SPTSSB: variants seen among roughly 807,000 people sequenced by gnomAD.
SPTSSB encodes androgen down regulated in mouse prostate.
In SPTSSB, 6 loss-of-function variants were observed where a neutral mutation model predicts 7.7. The observed-to-expected ratio is 0.78, with a 90% CI of 0.43 to 1.54. The LOEUF is 1.54. Among genes scored for constraint, SPTSSB ranks in the 40% most tolerant of loss-of-function variants. The probability of loss-of-function intolerance (pLI) is 0.01; values close to 1 mark genes in which losing one functional copy is unlikely to be tolerated. For synonymous variants in SPTSSB, 28 were observed against 29.7 expected, an observed-to-expected ratio of 0.94 and a Z score of 0.19; for missense variants, 91 against 93.0, an observed-to-expected ratio of 0.98 and a Z score of 0.09.
rs549882420 is a variant in SPTSSB, at chr3:161,349,684, A to C, written c.-32-3329T>G. Among the ~76,000 whole-genome samples the C allele has an allele frequency of 2.6e-5, 4 of 152,346 alleles. No homozygotes were observed. The South Asian group carries it at 8.3e-4, about 32-fold the overall frequency. On this transcript the variant is annotated intron_variant, in intron 2 of 2. Transcript: ENST00000620149. ...TGTGTATTCAAAGGTGGCACTCCTA[A>C]GCAGACTGTGATGTGGCTTCAGGCA...
In SPTSSB at chr3:161,369,286, T is replaced by TTTTCTTTCTTTCTTTC. The variant is rs149388545; in HGVS notation, c.-126+2133_-126+2148dup. On this transcript the variant is annotated intron_variant, in intron 1 of 2. Transcript: ENST00000620149. ...TCTCTTTCTTTTTCTTCTTTCTTTC[T>TTTTCTTTCTTTCTTTC]TTTCTTTCTTTCTTTCTTTCTTTCT... Among the ~76,000 whole-genome samples, 180 of 110,382 alleles carry TTTTCTTTCTTTCTTTC rather than the reference T, an allele frequency of 1.6e-3. 4 individuals are homozygous for TTTTCTTTCTTTCTTTC. Among genetic ancestry groups the TTTTCTTTCTTTCTTTC allele is most frequent in the African/African-American group, 7.6e-3 (174 of 22,972 alleles). The allele number at this position is 110,382 out of a possible 152,430, so 72.4% of individuals were successfully genotyped here.
chr3:161,354,977 G>A (rs1438963665), intron 2 of SPTSSB, among the ~76,000 whole-genome samples: 3 of 152,192 alleles, frequency 2.0e-5, no homozygotes, highest in Non-Finnish European at 2.9e-5. Flanking sequence ...AAAATAAAGA[G>A]TGCCACATAC....
intron 1 of SPTSSB, among the ~76,000 whole-genome samples, chr3:161,363,585 T>C (rs944681913): frequency 1.3e-5 from 2 of 152,072 alleles, no homozygotes; most frequent in African/African-American, 2.4e-5. Flanking sequence ...TTATAAAATA[T>C]TATGAAAAAT....
chr3:161,366,718 AT>A (rs1715235556), intron 1 of SPTSSB, among the ~76,000 whole-genome samples: 1 of 152,022 alleles, frequency 6.6e-6, no homozygotes, highest in Non-Finnish European at 1.5e-5. Context: ...TATTTTGTTT[AT>A]TACTTATCCA....
At position 161,345,043 on chromosome 3, in the gene SPTSSB, A is replaced by C. The variant is rs1395000357; in HGVS notation, c.*1050T>G. 1 of 152,646 alleles carries C rather than the reference A, an allele frequency of 6.6e-6. No individual in the cohort carries two copies. The highest frequency in any genetic ancestry group is 1.5e-5 in the Non-Finnish European group (1 of 68,042). 9.5% of individuals were successfully genotyped at this position (152,646 alleles called of 1,614,324 possible). The stretch of plus-strand genomic sequence containing the variant: ...CATACATTAATATTTATTGGGAGGA[A>C]AGCAAAACTGCAAAACGTAGTCTTT... On this transcript the variant is annotated 3_prime_UTR_variant, in exon 3 of 3. Coordinates refer to ENST00000620149, the MANE Select transcript of SPTSSB (RefSeq NM_001040100.2).
At chr3:161,352,229 C>T (rs1185929461) in intron 2 of SPTSSB, among the ~76,000 whole-genome samples, 1 of 152,144 alleles carries the variant, frequency 6.6e-6, no homozygotes, top group Non-Finnish European at 1.5e-5. Context: ...TTCACCTCTC[C>T]AGTTAAATCT....
intron 1 of SPTSSB, among the ~76,000 whole-genome samples, chr3:161,364,211 A>G (rs891224779): frequency 2.6e-5 from 4 of 152,146 alleles, no homozygotes; most frequent in Non-Finnish European, 5.9e-5. Flanking sequence ...AGACCAAAGG[A>G]AAGTTCTGCC....
At chr3:161,370,807 C>CA (rs1439971083) in intron 1 of SPTSSB, among the ~76,000 whole-genome samples, 1 of 152,232 alleles carries the variant, frequency 6.6e-6, no homozygotes, top group Non-Finnish European at 1.5e-5. Context: ...CTACTCTAAA[C>CA]ATTTCCCCAC....
intron 2 of SPTSSB, among the ~76,000 whole-genome samples, chr3:161,354,870 G>A (rs770536005): frequency 2.6e-5 from 4 of 152,104 alleles, no homozygotes; most frequent in Non-Finnish European, 5.9e-5. Flanking sequence ...TTTGGAATTC[G>A]ACTTTAACAA....
intron 1 of SPTSSB, among the ~76,000 whole-genome samples, chr3:161,364,212 A>G (rs1171041060): frequency 6.6e-6 from 1 of 152,150 alleles, no homozygotes; most frequent in Non-Finnish European, 1.5e-5. Flanking sequence ...GACCAAAGGA[A>G]AGTTCTGCCT....
intron 1 of SPTSSB, among the ~76,000 whole-genome samples, chr3:161,370,527 G>T (rs1198084105): frequency 6.6e-6 from 1 of 152,118 alleles, no homozygotes; most frequent in Non-Finnish European, 1.5e-5. Context: ...ACACTTTTAT[G>T]TATACATTTT....
At chr3:161,359,685 A>C in intron 2 of SPTSSB, 117 bp downstream of exon 2, 2 of 962,144 alleles carry the variant, frequency 2.1e-6, no homozygotes, top group Non-Finnish European at 2.5e-6. Context: ...TCTAGTGTAT[A>C]ATAAATGTTT....
chr3:161,363,237 T>C (rs1163679157), intron 1 of SPTSSB, among the ~76,000 whole-genome samples: 1 of 151,696 alleles, frequency 6.6e-6, no homozygotes, highest in Non-Finnish European at 1.5e-5. Flanking sequence ...GATAAGGTTC[T>C]ATGTTATGTG....
In SPTSSB at chr3:161,345,906, G is replaced by T. The variant is rs1260776657; in HGVS notation, c.*187C>A. 3.8e-6 allele frequency: 2 copies of T among 525,082 alleles called. No individual in the cohort carries two copies. The highest frequency in any genetic ancestry group is 4.5e-5 in the South Asian group (2 of 44,132). The allele number at this position is 525,082 out of a possible 1,614,324, so 32.5% of individuals were successfully genotyped here. On this transcript the variant is annotated 3_prime_UTR_variant, in exon 3 of 3. Coordinates refer to ENST00000620149, the MANE Select transcript of SPTSSB (RefSeq NM_001040100.2). The stretch of plus-strand genomic sequence containing the variant: ...TATCTCCGGTCTAAAGCACAATGTA[G>T]CATGTGCAAAAGAAACTAAAGAGAC...
intron 1 of SPTSSB, among the ~76,000 whole-genome samples, chr3:161,362,367 T>A (rs1334558342): frequency 6.6e-6 from 1 of 152,104 alleles, no homozygotes; most frequent in African/African-American, 2.4e-5. Flanking sequence ...AAGGGACAAA[T>A]GTACTGCGAC....
In SPTSSB at chr3:161,369,353, T is replaced by C. The variant is rs1177150734; in HGVS notation, c.-126+2082A>G. Among the ~76,000 whole-genome samples, 295 of 53,918 alleles carry C rather than the reference T, an allele frequency of 5.5e-3. 6 individuals are homozygous for C. The highest frequency in any genetic ancestry group is 0.024 in the African/African-American group (280 of 11,906). 35.4% of individuals were successfully genotyped at this position (53,918 alleles called of 152,430 possible). ...CTTTCTTTCTTTCTTTCTTTCTTTC[T>C]CTTTCTTTCTCTCTCTGTCTCTCTT... On this transcript the variant is annotated intron_variant, in intron 1 of 2. Transcript: ENST00000620149.
At chr3:161,355,149 A>G (rs1714711375) in intron 2 of SPTSSB, among the ~76,000 whole-genome samples, 1 of 152,216 alleles carries the variant, frequency 6.6e-6, no homozygotes, top group East Asian at 1.9e-4. Context: ...CTTCTAGGTC[A>G]AGGTTTAGCT....
chr3:161,350,591 C>CAG (rs1375549732), intron 2 of SPTSSB, among the ~76,000 whole-genome samples: 1 of 152,014 alleles, frequency 6.6e-6, no homozygotes, highest in African/African-American at 2.4e-5. Context: ...CTGCCAGTTG[C>CAG]AGAGAGAGAT....
At chr3:161,348,982 G>A (rs1389122097) in intron 2 of SPTSSB, among the ~76,000 whole-genome samples, 2 of 152,090 alleles carry the variant, frequency 1.3e-5, no homozygotes, top group African/African-American at 4.8e-5. Flanking sequence ...TCTACCTTCT[G>A]TGAGTCAACT....
Sources: allele counts gnomAD v4.1 joint callset (sites outside exome capture counted in the v4.1 genomes callset), GRCh38; gene constraint gnomAD v4.1.1; transcripts MANE v1.5; gene names NCBI Gene and HGNC (gene_info 2026-07-23, HGNC 2026-07-21).